Variants in SLC24A3 observed in about 807,000 individuals in gnomAD.
The protein encoded by SLC24A3 is solute carrier family 24 member 3, also known as sodium/potassium/calcium exchanger 3.
SLC24A3 carries 28 observed loss-of-function variants against 75.8 expected under a neutral mutation model. That is an observed-to-expected ratio of 0.37 (90% confidence interval 0.27 to 0.51). The LOEUF (loss-of-function observed/expected upper bound fraction) is 0.51. SLC24A3 is among the 20% of genes least tolerant of loss of function. The pLI is 0.94. For missense variants in SLC24A3, 663 were observed against 847.8 expected, an observed-to-expected ratio of 0.78 and a Z score of 2.71; for synonymous variants, 372 against 334.1, an observed-to-expected ratio of 1.11 and a Z score of -1.24.
Position 19,722,248 on chromosome 20 carries a change from A to G in SLC24A3, c.*1108A>G, listed in dbSNP as rs1482564286. 1.3e-5 allele frequency: 2 copies of G among 152,656 alleles called. No individual in the cohort carries two copies. Among genetic ancestry groups the G allele is most frequent in the Non-Finnish European group, 2.9e-5 (2 of 68,054 alleles). 9.5% of individuals were successfully genotyped at this position (152,656 alleles called of 1,614,324 possible). A position where few individuals can be genotyped will look rare whatever the true frequency, so the allele number is the denominator to read the frequency against. Reference sequence around the variant, plus strand: ...GTCGTCAATTAAGTCCCAATTTGCCACTTGGTATTGAGTACACTGGACCCT... The same window carrying G: ...GTCGTCAATTAAGTCCCAATTTGCCGCTTGGTATTGAGTACACTGGACCCT... On this transcript the variant is annotated 3_prime_UTR_variant, in exon 17 of 17. Coordinates refer to ENST00000328041, the MANE Select transcript of SLC24A3 (RefSeq NM_020689.4).
At chr20:19,274,901 G>A (rs11697180) in intron 1 of SLC24A3, among the ~76,000 whole-genome samples, 1 of 152,354 alleles carries the variant, frequency 6.6e-6, no homozygotes, top group East Asian at 1.9e-4. Flanking sequence ...TATAGCCTTA[G>A]TGAGGAGCAC....
chr20:19,267,569 C>T (rs1390605641), intron 1 of SLC24A3, among the ~76,000 whole-genome samples: 1 of 152,100 alleles, frequency 6.6e-6, no homozygotes, highest in Non-Finnish European at 1.5e-5. Flanking sequence ...TAATAAAAGT[C>T]ATTGAAACTC....
intron 15 of SLC24A3, among the ~76,000 whole-genome samples, chr20:19,705,462 A>G (rs1285866578): frequency 6.6e-6 from 1 of 152,192 alleles, no homozygotes; most frequent in Non-Finnish European, 1.5e-5. Context: ...AAATAATCCC[A>G]GGTTCATGAA....
intron 3 of SLC24A3, among the ~76,000 whole-genome samples, chr20:19,568,374 G>A (rs1375088645): frequency 6.6e-6 from 1 of 152,178 alleles, no homozygotes; most frequent in Non-Finnish European, 1.5e-5. Flanking sequence ...TCCGTAGACA[G>A]ATAAATGGAT....
chr20:19,447,357 G>T (rs1409346125), intron 2 of SLC24A3, among the ~76,000 whole-genome samples: 1 of 152,116 alleles, frequency 6.6e-6, no homozygotes, highest in East Asian at 1.9e-4. Flanking sequence ...GGAAAGAAGG[G>T]TGCCTAGTGT....
chr20:19,669,073 G>T (rs775304842), intron 8 of SLC24A3, among the ~76,000 whole-genome samples: 1 of 152,314 alleles, frequency 6.6e-6, no homozygotes, highest in Non-Finnish European at 1.5e-5. Context: ...GGGGTCAGGC[G>T]CACCCTCTTT....
At chr20:19,515,957 A>G (rs988352654) in intron 3 of SLC24A3, among the ~76,000 whole-genome samples, 2 of 152,088 alleles carry the variant, frequency 1.3e-5, no homozygotes, top group Non-Finnish European at 2.9e-5. Context: ...CTGCCATTGC[A>G]TAGTTATTTG....
chr20:19,330,884 T>G (rs1027268539), intron 2 of SLC24A3, among the ~76,000 whole-genome samples: 1 of 152,206 alleles, frequency 6.6e-6, no homozygotes, highest in Non-Finnish European at 1.5e-5. Context: ...CCTCCACATG[T>G]GATACACCTT....
intron 2 of SLC24A3, among the ~76,000 whole-genome samples, chr20:19,406,731 G>C (rs538687187): frequency 6.6e-6 from 1 of 152,186 alleles, no homozygotes; most frequent in Non-Finnish European, 1.5e-5. Flanking sequence ...ACATCACAGC[G>C]TGCTCTATGC....
At chr20:19,233,740 G>T (rs972633508) in intron 1 of SLC24A3, among the ~76,000 whole-genome samples, 1 of 152,222 alleles carries the variant, frequency 6.6e-6, no homozygotes, top group East Asian at 1.9e-4. Context: ...TCATTCAGGG[G>T]TAGGAGACAT....
At chr20:19,651,704 C>CA (rs1170387395) in intron 6 of SLC24A3, among the ~76,000 whole-genome samples, 3 of 151,814 alleles carry the variant, frequency 2.0e-5, no homozygotes, top group South Asian at 2.1e-4. Flanking sequence ...CTAAAAAATA[C>CA]AAAAAAATTT....
At chr20:19,707,104 A>G (rs367569789) in intron 15 of SLC24A3, among the ~76,000 whole-genome samples, 42 of 152,310 alleles carry the variant, frequency 2.8e-4, no homozygotes, top group African/African-American at 9.6e-4. Context: ...TCTCAAAGCA[A>G]GAGCACAAGA....
At chr20:19,634,235 A>G (rs763575819) in intron 6 of SLC24A3, among the ~76,000 whole-genome samples, 1 of 152,160 alleles carries the variant, frequency 6.6e-6, no homozygotes, top group Non-Finnish European at 1.5e-5. Context: ...GCCTGAGTCA[A>G]CTTTTCCAGT....
In SLC24A3 at chr20:19,590,725, G is replaced by A. The variant is rs560424608; in HGVS notation, c.612+5181G>A. Reference sequence around the variant, plus strand: ...CAGCCAGTGAATTCCATCACACCCAGTAAAACTGGGTTTCTCCCGGCATCT... The same window carrying A: ...CAGCCAGTGAATTCCATCACACCCAATAAAACTGGGTTTCTCCCGGCATCT... On this transcript the variant is annotated intron_variant, in intron 6 of 16. Transcript: ENST00000328041. 2.6e-5 allele frequency among the ~76,000 whole-genome samples: 4 copies of A among 152,300 alleles called. No individual in the cohort carries two copies. The South Asian group carries it at 8.3e-4, about 32-fold the overall frequency.
At chr20:19,716,227 T>G (rs1293322451) in intron 15 of SLC24A3, among the ~76,000 whole-genome samples, 1 of 152,058 alleles carries the variant, frequency 6.6e-6, no homozygotes, top group Non-Finnish European at 1.5e-5. Context: ...CTCTTCTATT[T>G]TGGGGCAGCC....
At chr20:19,232,257 A>G (rs1223744742) in intron 1 of SLC24A3, among the ~76,000 whole-genome samples, 4 of 152,248 alleles carry the variant, frequency 2.6e-5, no homozygotes, top group Non-Finnish European at 5.9e-5. Flanking sequence ...AGGATCAAAC[A>G]TGCAACATGT....
chr20:19,333,538 A>G (rs185838313), intron 2 of SLC24A3, among the ~76,000 whole-genome samples: 56 of 152,256 alleles, frequency 3.7e-4, no homozygotes, highest in African/African-American at 1.1e-3. Context: ...GGGAGAAACG[A>G]AATTTTTTAA....
At chr20:19,438,096 G>A (rs555377935) in intron 2 of SLC24A3, among the ~76,000 whole-genome samples, 1 of 152,258 alleles carries the variant, frequency 6.6e-6, no homozygotes, top group East Asian at 1.9e-4. Flanking sequence ...TTTGAACCCA[G>A]GGCCCCTGTG....
intron 2 of SLC24A3, among the ~76,000 whole-genome samples, chr20:19,306,514 A>G (rs1415484205): frequency 1.3e-5 from 2 of 152,228 alleles, no homozygotes; most frequent in African/African-American, 4.8e-5. Flanking sequence ...GGAATATTAC[A>G]CAGGCATAAA....
Sources: gnomAD v4.1 joint callset for allele counts (sites outside exome capture counted in the v4.1 genomes callset) on GRCh38, gnomAD v4.1.1 for gene constraint, MANE v1.5 for transcripts, NCBI Gene and HGNC (gene_info 2026-07-23, HGNC 2026-07-21) for gene names.